CHD2: variants seen among roughly 807,000 people sequenced by gnomAD.
CHD2 encodes the protein ATP-dependent chromatin remodeler CHD2.
Under a neutral mutation model 243.9 loss-of-function variants are expected in CHD2, and 28 were observed. The observed-to-expected ratio is 0.11, with a 90% CI of 0.09 to 0.16. The LOEUF is 0.16. Among genes scored for constraint, CHD2 ranks in the 10% least tolerant of loss-of-function variants. CHD2 has a pLI of 1.00. For synonymous variants in CHD2, 775 were observed against 779.0 expected (o/e 0.99, Z 0.09); for missense variants, 1,386 against 2,209.8 (o/e 0.63, Z 7.47).
chr15:92,926,827 G>T (rs2053070574), intron 3 of CHD2, among the ~76,000 whole-genome samples: 1 of 152,200 alleles, frequency 6.6e-6, no homozygotes, highest in African/African-American at 2.4e-5. Flanking sequence ...TACTTAATTA[G>T]ACTTAATGGG....
intron 14 of CHD2, among the ~76,000 whole-genome samples, 160 bp from the exon 15 acceptor site, chr15:92,955,263 A>G (rs945095764): frequency 3.3e-5 from 5 of 152,100 alleles, no homozygotes; most frequent in Non-Finnish European, 5.9e-5. Context: ...ACTGCTTTAT[A>G]GTTTGGTTGC....
At chr15:92,937,431 T>C in intron 5 of CHD2, 87 bp from the exon 6 acceptor site, 1 of 888,714 alleles carries the variant, frequency 1.1e-6, no homozygotes, top group East Asian at 2.6e-5. Flanking sequence ...GCCCTTTGGA[T>C]AGTAAAATTG....
chr15:92,947,629 A>C (rs968394655), intron 12 of CHD2: 2 of 152,322 alleles, frequency 1.3e-5, no homozygotes, highest in Admixed American at 6.5e-5. Context: ...TAAAGCCAGA[A>C]GGTCCAGCCA....
At chr15:93,018,910 T>TA (rs896577311) in intron 37 of CHD2, among the ~76,000 whole-genome samples, 4 of 152,216 alleles carry the variant, frequency 2.6e-5, no homozygotes, top group Non-Finnish European at 5.9e-5. Context: ...AAGACCTAGG[T>TA]AAAATCACAC....
At chr15:93,007,930 A>G (rs1310640733) in intron 34 of CHD2, among the ~76,000 whole-genome samples, 1 of 152,158 alleles carries the variant, frequency 6.6e-6, no homozygotes, top group Non-Finnish European at 1.5e-5. Flanking sequence ...CACGTTACAC[A>G]CTTTGCTTCG....
At chr15:92,940,913 T>TAA (rs56000215) in intron 7 of CHD2, among the ~76,000 whole-genome samples, 74,039 of 134,456 alleles carry the variant, frequency 0.55, 21,045 homozygotes, top group East Asian at 0.84. Context: ...AATATATATA[T>TAA]AAATATACAT....
chr15:92,985,986 T>G (rs933133527), intron 26 of CHD2, among the ~76,000 whole-genome samples: 23 of 152,320 alleles, frequency 1.5e-4, no homozygotes, highest in African/African-American at 5.1e-4. Context: ...CTTATGTATC[T>G]GTATATAAAA....
At chr15:92,956,702 T>A in intron 16 of CHD2, 53 bp downstream of exon 16, 2 of 1,524,072 alleles carry the variant, frequency 1.3e-6, no homozygotes, top group Admixed American at 4.2e-5. Context: ...GAAATGCCAA[T>A]GCTTTTTAAC....
intron 2 of CHD2, among the ~76,000 whole-genome samples, chr15:92,903,407 CT>C (rs572582833): frequency 1.7e-3 from 265 of 152,236 alleles, no homozygotes; most frequent in Non-Finnish European, 3.0e-3. Context: ...CTGAGAATTA[CT>C]TTAGTATCTG....
At chr15:92,913,238 G>C (rs1450485835) in intron 2 of CHD2, among the ~76,000 whole-genome samples, 1 of 152,296 alleles carries the variant, frequency 6.6e-6, no homozygotes. Flanking sequence ...GATCTTTTCT[G>C]TTCTGTTCTG....
intron 37 of CHD2, among the ~76,000 whole-genome samples, chr15:93,019,809 C>T (rs1002204150): frequency 6.6e-6 from 1 of 152,038 alleles, no homozygotes; most frequent in Non-Finnish European, 1.5e-5. Flanking sequence ...TGGCGGGTGC[C>T]TGTAGTCCCA....
In CHD2 at chr15:92,978,425, G is replaced by A. The variant is rs766525441; in HGVS notation, c.2727+42G>A. ...TTCTGGAAATTGCTTTAGGGTTGGGGGCCAGGGGGCTTGTTCAGCCCTTTC... is the reference window on the plus strand; with the variant it reads ...TTCTGGAAATTGCTTTAGGGTTGGGAGCCAGGGGGCTTGTTCAGCCCTTTC... On this transcript the variant is annotated intron_variant, in intron 21 of 38. Transcript: ENST00000394196. 9 of 1,590,116 alleles carry A rather than the reference G, an allele frequency of 5.7e-6. No individual in the cohort carries two copies. The South Asian group carries it at 6.7e-5, about 12-fold the overall frequency.
At chr15:92,948,345 T>G (rs1020297587) in intron 12 of CHD2, among the ~76,000 whole-genome samples, 1 of 152,198 alleles carries the variant, frequency 6.6e-6, no homozygotes, top group Non-Finnish European at 1.5e-5. Context: ...TAGTTGTTTC[T>G]GAAAAATAGG....
At position 92,998,577 on chromosome 15, in the gene CHD2, A is replaced by C; in HGVS notation, c.3964A>C (p.Arg1322=). The change falls in exon 31 of 39, where the codon AGA becomes CGA. Residue 1322 remains arginine (R), a synonymous_variant. Transcript: ENST00000394196. This position sits in a 1 kb window ranked among gnomAD's most constrained non-coding sequence, Gnocchi z 5.1. The part of the protein sequence containing the change: ...TRADYLLKLL[R]KGLEKKGAVT... The stretch of plus-strand genomic sequence containing the variant: ...AGCGGATTACTTGTTGAAGCTGCTC[A>C]GAAAGGGTCTGGAGAAGAAGGGGGC... 6.2e-7 allele frequency: 1 copy of C among 1,613,602 alleles called. No individual in the cohort carries two copies. Among genetic ancestry groups the C allele is most frequent in the Non-Finnish European group, 8.5e-7 (1 of 1,179,992 alleles).
intron 37 of CHD2, among the ~76,000 whole-genome samples, chr15:93,017,913 G>C (rs376860867): frequency 1.3e-5 from 2 of 152,048 alleles, no homozygotes; most frequent in Non-Finnish European, 2.9e-5. Context: ...TTTTGTATAC[G>C]ATGTCACTTA....
intron 13 of CHD2, among the ~76,000 whole-genome samples, chr15:92,951,474 A>AT (rs1046848996): frequency 6.6e-5 from 10 of 152,088 alleles, no homozygotes; most frequent in Admixed American, 2.6e-4. Context: ...CCTGGCCAGC[A>AT]TTTTTTTACT....
Position 93,020,209 on chromosome 15 carries a change from C to G in CHD2, c.5104C>G (p.Gln1702Glu), listed in dbSNP as rs1478847821. ...CATGTCCAGAAAGAGGCCTTATGAC[C>G]AGTACAGCAGTGACCGAGACCACCG... ...NNMSRKRPYD[Q>E]YSSDRDHRGH... The change falls in exon 38 of 39, where the codon CAG (glutamine) becomes GAG (glutamate). Residue 1702 changes from glutamine to glutamate, a missense_variant. Gln to Glu is a conservative substitution (Grantham distance 29, BLOSUM62 2). Coordinates refer to ENST00000394196, the MANE Select transcript of CHD2 (RefSeq NM_001271.4). 3 of 1,614,094 alleles carry G rather than the reference C, an allele frequency of 1.9e-6. No individual in the cohort carries two copies. The highest frequency in any genetic ancestry group is 2.5e-6 in the Non-Finnish European group (3 of 1,180,028).
intron 28 of CHD2, 129 bp from the exon 29 acceptor site, chr15:92,996,828 A>G (rs2054194528): frequency 1.1e-6 from 1 of 883,026 alleles, no homozygotes; most frequent in Non-Finnish European, 1.6e-6. Context: ...CTTATAGATT[A>G]TATCTTCAAA....
intron 2 of CHD2, among the ~76,000 whole-genome samples, chr15:92,916,932 G>T (rs1177472060): frequency 6.6e-6 from 1 of 152,228 alleles, no homozygotes; most frequent in Non-Finnish European, 1.5e-5. Context: ...CAAAGCAGAT[G>T]AGTGCAAAAT....
Sources: gnomAD v4.1 joint callset for allele counts (sites outside exome capture counted in the v4.1 genomes callset) on GRCh38, gnomAD v4.1.1 for gene constraint, Gnocchi (gnomAD v3.1) non-coding constraint, MANE v1.5 for transcripts, NCBI Gene and HGNC (gene_info 2026-07-23, HGNC 2026-07-21) for gene names.